The following GALNTL6 variants were observed in gnomAD, a reference collection of about 807,000 sequenced individuals.
The protein encoded by GALNTL6 is polypeptide N-acetylgalactosaminyltransferase like 6.
A neutral mutation model predicts 73.7 loss-of-function variants in GALNTL6; 46 were observed. The observed-to-expected ratio is 0.62, with a 90% confidence interval of 0.49 to 0.80. The LOEUF (loss-of-function observed/expected upper bound fraction) is 0.80, where lower values mean the gene tolerates loss of function less well. GALNTL6 is among the 30% of genes least tolerant of loss of function. The probability of loss-of-function intolerance (pLI) is 0.00; values close to 1 mark genes in which losing one functional copy is unlikely to be tolerated. For synonymous variants in GALNTL6, 259 were observed against 263.7 expected (o/e 0.98, Z 0.17); for missense variants, 604 against 755.0 (o/e 0.80, Z 2.34).
chr4:172,764,851 AG>A (rs1738316388), intron 5 of GALNTL6, among the ~76,000 whole-genome samples: 1 of 152,236 alleles, frequency 6.6e-6, no homozygotes. Context: ...AGACTACTGA[AG>A]GTTAATTCCA....
chr4:172,894,254 TCTTG>T (rs1746204176), intron 8 of GALNTL6, among the ~76,000 whole-genome samples: 1 of 152,198 alleles, frequency 6.6e-6, no homozygotes, highest in Admixed American at 6.5e-5. Context: ...ATTGGTTTGT[TCTTG>T]CTTTTCTTGA....
intron 8 of GALNTL6, among the ~76,000 whole-genome samples, chr4:172,926,975 T>C (rs1006857822): frequency 1.1e-4 from 16 of 152,304 alleles, no homozygotes; most frequent in African/African-American, 3.6e-4. Flanking sequence ...CTTGGTAATT[T>C]AACATTAATA....
intron 5 of GALNTL6, among the ~76,000 whole-genome samples, chr4:172,751,880 C>T (rs1214459208): frequency 6.6e-6 from 1 of 152,162 alleles, no homozygotes; most frequent in Non-Finnish European, 1.5e-5. Flanking sequence ...GTCTGAGTTT[C>T]ACTGGGAAGG....
At chr4:172,967,026 G>A (rs908376010) in intron 10 of GALNTL6, among the ~76,000 whole-genome samples, 1 of 152,176 alleles carries the variant, frequency 6.6e-6, no homozygotes, top group South Asian at 2.1e-4. Context: ...GCTCCCCATC[G>A]GCCTCCGTGG....
intron 5 of GALNTL6, among the ~76,000 whole-genome samples, chr4:172,577,683 G>A (rs748113809): frequency 2.0e-5 from 3 of 152,120 alleles, no homozygotes; most frequent in South Asian, 2.1e-4. Context: ...TGCTTTCTGT[G>A]TGACTCAAGC....
At chr4:172,897,667 A>G (rs1211510540) in intron 8 of GALNTL6, among the ~76,000 whole-genome samples, 1 of 152,218 alleles carries the variant, frequency 6.6e-6, no homozygotes, top group Non-Finnish European at 1.5e-5. Context: ...GTGTTGGTCC[A>G]CACTATCAAA....
At chr4:172,552,850 A>AAAAAAAC (rs2110904817) in intron 5 of GALNTL6, among the ~76,000 whole-genome samples, 1 of 150,468 alleles carries the variant, frequency 6.6e-6, no homozygotes, top group East Asian at 1.9e-4. Flanking sequence ...AAAAAAAAAA[A>AAAAAAAC]AAAAAAAGGT....
chr4:172,094,704 T>G (rs1732299843), intron 2 of GALNTL6, among the ~76,000 whole-genome samples: 1 of 152,150 alleles, frequency 6.6e-6, no homozygotes, highest in Non-Finnish European at 1.5e-5. Flanking sequence ...CTTCATTTAT[T>G]TCCCAAGGAG....
rs139917729 is a variant in GALNTL6, at chr4:171,962,765, C to CTT, written c.138+148064_138+148065dup. ...TACTTTCTTAATAAGCTTGCTTTTACTTTTTTTTTTTTTTTTTTGTGAGAT... is the reference window on the plus strand; with the variant it reads ...TACTTTCTTAATAAGCTTGCTTTTACTTTTTTTTTTTTTTTTTTTTGTGAGAT... On this transcript the variant is annotated intron_variant, in intron 2 of 12. Transcript: ENST00000506823. Among the ~76,000 whole-genome samples the CTT allele has an allele frequency of 2.4e-4, 27 of 113,802 alleles. 5 individuals are homozygous for CTT. Among genetic ancestry groups the CTT allele is most frequent in the African/African-American group, 4.8e-4 (14 of 29,284 alleles). The allele number at this position is 113,802 out of a possible 152,430, so 74.7% of individuals were successfully genotyped here.
rs149530310 is a variant in GALNTL6 at position 171,946,070 on chromosome 4, C to T, written c.138+131352C>T. On this transcript the variant is annotated intron_variant, in intron 2 of 12. Coordinates refer to ENST00000506823, the MANE Select transcript of GALNTL6 (RefSeq NM_001034845.3). ...GTAGAAAGAGGTTATGGTATATACACATAAGCAGCTTAACAGATAGAATTA... is the reference window on the plus strand; with the variant it reads ...GTAGAAAGAGGTTATGGTATATACATATAAGCAGCTTAACAGATAGAATTA... Among the ~76,000 whole-genome samples the T allele has an allele frequency of 7.2e-3, 1,090 of 152,226 alleles. 14 individuals carry two copies. Among genetic ancestry groups the T allele is most frequent in the African/African-American group, 0.024 (983 of 41,550 alleles).
At chr4:172,884,423 G>A (rs956188327) in intron 8 of GALNTL6, among the ~76,000 whole-genome samples, 1 of 152,068 alleles carries the variant, frequency 6.6e-6, no homozygotes, top group Non-Finnish European at 1.5e-5. Context: ...GTCTTCTTTT[G>A]AGAAATGTCT....
chr4:172,127,268 C>T (rs765753881), intron 2 of GALNTL6, among the ~76,000 whole-genome samples: 2 of 152,208 alleles, frequency 1.3e-5, no homozygotes, highest in East Asian at 1.9e-4. Flanking sequence ...CCTCAGTACG[C>T]GGCCACTCCA....
intron 2 of GALNTL6, among the ~76,000 whole-genome samples, chr4:171,823,432 A>G (rs1734734786): frequency 6.6e-6 from 1 of 152,012 alleles, no homozygotes; most frequent in Admixed American, 6.6e-5. Flanking sequence ...GCAAATTTAG[A>G]GTCTGTGCTT....
chr4:172,416,200 A>G (rs900148945), intron 5 of GALNTL6, among the ~76,000 whole-genome samples: 11 of 152,204 alleles, frequency 7.2e-5, no homozygotes, highest in African/African-American at 2.7e-4. Context: ...CATTAGACGT[A>G]GGTGAAGAAA....
intron 2 of GALNTL6, among the ~76,000 whole-genome samples, chr4:171,925,867 T>A (rs1440506268): frequency 6.6e-6 from 1 of 152,128 alleles, no homozygotes; most frequent in Non-Finnish European, 1.5e-5. Context: ...AATAATTAGA[T>A]GAACAGAAAT....
intron 2 of GALNTL6, among the ~76,000 whole-genome samples, chr4:172,078,387 C>A (rs1204216539): frequency 6.6e-6 from 1 of 152,106 alleles, no homozygotes; most frequent in Non-Finnish European, 1.5e-5. Context: ...GTGAGGCCTC[C>A]CTGTCATGCT....
chr4:172,549,502 T>A (rs1735883775), intron 5 of GALNTL6, among the ~76,000 whole-genome samples: 1 of 152,144 alleles, frequency 6.6e-6, no homozygotes, highest in Admixed American at 6.6e-5. Context: ...ATATCTACAA[T>A]TTAAAAGTGT....
In GALNTL6 at chr4:172,790,896, C is replaced by CAAAA. The variant is rs770813700; in HGVS notation, c.554-18447_554-18444dup. Among the ~76,000 whole-genome samples the CAAAA allele has an allele frequency of 2.7e-4, 19 of 71,304 alleles. 2 individuals are homozygous for CAAAA. Among genetic ancestry groups the CAAAA allele is most frequent in the Non-Finnish European group, 3.6e-4 (13 of 36,360 alleles). 46.8% of individuals were successfully genotyped at this position (71,304 alleles called of 152,430 possible). The stretch of plus-strand genomic sequence containing the variant: ...CCTGGGCTACAGAGTGAGACTCCAT[C>CAAAA]AAAAAAAAAAAAAAAAAAAAAGCAT... On this transcript the variant is annotated intron_variant, in intron 5 of 12. Transcript: ENST00000506823.
At chr4:172,662,296 G>A (rs1731417648) in intron 5 of GALNTL6, among the ~76,000 whole-genome samples, 1 of 152,250 alleles carries the variant, frequency 6.6e-6, no homozygotes, top group South Asian at 2.1e-4. Context: ...TGCTAATTGC[G>A]AAATATTTCC....
Sources: allele counts gnomAD v4.1 joint callset (sites outside exome capture counted in the v4.1 genomes callset), GRCh38; gene constraint gnomAD v4.1.1; transcripts MANE v1.5; gene names NCBI Gene and HGNC (gene_info 2026-07-23, HGNC 2026-07-21).